WDFY3: variants seen among roughly 807,000 people sequenced by gnomAD.
The protein encoded by WDFY3 is WD repeat and FYVE domain-containing protein 3.
Under a neutral mutation model 409.6 loss-of-function variants are expected in WDFY3, and 66 were observed. That is an observed-to-expected ratio of 0.16 (90% CI 0.13 to 0.20). The LOEUF is 0.20. Ranked by LOEUF, WDFY3 falls within the 10% of genes least tolerant of loss-of-function variation. WDFY3 has a pLI of 1.00. For synonymous variants in WDFY3, 1,521 were observed against 1,537.1 expected, an observed-to-expected ratio of 0.99 and a Z score of 0.25; for missense variants, 3,031 against 4,298.1, an observed-to-expected ratio of 0.71 and a Z score of 8.24.
intron 36 of WDFY3, among the ~76,000 whole-genome samples, chr4:84,744,654 C>T (rs1033136090): frequency 6.6e-6 from 1 of 151,184 alleles, no homozygotes; most frequent in Non-Finnish European, 1.5e-5. Context: ...GAGATCGAGG[C>T]CATCCCGGCT....
chr4:84,837,663 C>G (rs1756777475), intron 6 of WDFY3, among the ~76,000 whole-genome samples: 1 of 152,070 alleles, frequency 6.6e-6, no homozygotes, highest in Non-Finnish European at 1.5e-5. Flanking sequence ...TCAAAGATAT[C>G]CAGAGGAGAA....
chr4:84,829,054 A>G lies in WDFY3; in HGVS notation c.906T>C (p.Asp302=). ...TATATCCTTGCCATATCCGAAAATC[A>G]TCCAGAAGTGTTTGGGAAACATCGC... ...DSSDVSQTLL[D]DFRIWQGYNF... is the part of the protein sequence containing the mutation. The change falls in exon 9 of 68, where the codon GAT becomes GAC. Residue 302 remains aspartate (D), a synonymous_variant. Transcript: ENST00000295888. 1 of 1,613,718 alleles carries G rather than the reference A, an allele frequency of 6.2e-7. No individual in the cohort carries two copies. Among genetic ancestry groups the G allele is most frequent in the Non-Finnish European group, 8.5e-7 (1 of 1,179,782 alleles).
At chr4:84,691,528 T>C in intron 60 of WDFY3, 103 bp downstream of exon 60, 1 of 1,285,084 alleles carries the variant, frequency 7.8e-7, no homozygotes. Context: ...GAGGAACAGC[T>C]GACAAGCCCT....
At chr4:84,722,635 T>C (rs1220678405) in intron 46 of WDFY3, among the ~76,000 whole-genome samples, 3 of 152,328 alleles carry the variant, frequency 2.0e-5, no homozygotes, top group Non-Finnish European at 2.9e-5. Context: ...TACGATAATT[T>C]AAAATCAGTT....
chr4:84,796,664 C>T lies in WDFY3; in HGVS notation c.3024G>A (p.Leu1008=). The change falls in exon 19 of 68, where the codon CTG becomes CTA. Residue 1008 remains leucine (L), a synonymous_variant. Coordinates refer to ENST00000295888, the MANE Select transcript of WDFY3 (RefSeq NM_014991.6). ...EDNHYRISKS[L]VKSAEGSTVP... Reference sequence around the variant, plus strand: ...CAGTACTTCCTTCCGCAGATTTTACCAGGCTCTTGCTTATCCGGTAATGGT... The same window carrying T: ...CAGTACTTCCTTCCGCAGATTTTACTAGGCTCTTGCTTATCCGGTAATGGT... 1.9e-6 allele frequency: 3 copies of T among 1,614,144 alleles called. No individual in the cohort carries two copies. Among genetic ancestry groups the T allele is most frequent in the Non-Finnish European group, 2.5e-6 (3 of 1,179,998 alleles).
chr4:84,860,738 T>A, intron 3 of WDFY3, 116 bp from the exon 4 acceptor site: 1 of 924,228 alleles, frequency 1.1e-6, no homozygotes, highest in Non-Finnish European at 1.4e-6. Flanking sequence ...CTAAAATATA[T>A]CTTTCTACTT....
At chr4:84,889,695 T>C (rs1268501642) in intron 3 of WDFY3, among the ~76,000 whole-genome samples, 1 of 152,178 alleles carries the variant, frequency 6.6e-6, no homozygotes, top group Non-Finnish European at 1.5e-5. Flanking sequence ...TACCCTAAGC[T>C]ACATTTTCCT....
intron 36 of WDFY3, among the ~76,000 whole-genome samples, chr4:84,748,622 C>T (rs1250638772): frequency 6.6e-6 from 1 of 152,202 alleles, no homozygotes; most frequent in East Asian, 1.9e-4. Context: ...CACCACACTA[C>T]TTCCCTTGTA....
At chr4:84,689,015 C>T (rs892183655) in intron 61 of WDFY3, among the ~76,000 whole-genome samples, 1 of 152,190 alleles carries the variant, frequency 6.6e-6, no homozygotes, top group African/African-American at 2.4e-5. Context: ...TAGAATGGGC[C>T]ATCTGCCCTG....
At chr4:84,796,182 A>G (rs926106260) in intron 19 of WDFY3, among the ~76,000 whole-genome samples, 3 of 151,918 alleles carry the variant, frequency 2.0e-5, no homozygotes, top group Non-Finnish European at 4.4e-5. Context: ...CTCTAGCACA[A>G]AAGCAGCCAT....
At chr4:84,902,994 A>G (rs1766544765) in intron 2 of WDFY3, among the ~76,000 whole-genome samples, 2 of 152,222 alleles carry the variant, frequency 1.3e-5, no homozygotes, top group South Asian at 4.1e-4. Flanking sequence ...AAGAATGAAA[A>G]GAGTAAATTA....
intron 32 of WDFY3, among the ~76,000 whole-genome samples, chr4:84,759,691 A>C (rs1206436146): frequency 1.4e-4 from 21 of 149,488 alleles, no homozygotes; most frequent in African/African-American, 3.7e-4. Flanking sequence ...TTATCAGCTT[A>C]AGGAGATTTT....
chr4:84,695,863 C>G, intron 58 of WDFY3, 107 bp downstream of exon 58: 2 of 1,085,804 alleles, frequency 1.8e-6, no homozygotes, highest in Non-Finnish European at 2.6e-6. Context: ...ATTTATGGCT[C>G]TTTATTAAGT....
chr4:84,950,535 T>C (rs557168470), intron 1 of WDFY3, among the ~76,000 whole-genome samples: 5 of 152,216 alleles, frequency 3.3e-5, no homozygotes, highest in Non-Finnish European at 5.9e-5. Context: ...CTCACACCTG[T>C]AATCTCAGCA....
rs768354194 is a variant in WDFY3, at chr4:84,766,281, T to G, written c.4941A>C (p.Thr1647=). 1 of 1,592,736 alleles carries G rather than the reference T, an allele frequency of 6.3e-7. No homozygotes were observed. Reference sequence around the variant, plus strand: ...AATTAATGCTTGTCTTTTCTTTAGATGTATAAATTAGTTTTAGCAAGATAT... The same window carrying G: ...AATTAATGCTTGTCTTTTCTTTAGAGGTATAAATTAGTTTTAGCAAGATAT... The part of the protein sequence containing the change: ...LLDILLKLIY[T]SKEKTSINLQ... The change falls in exon 31 of 68, where the codon ACA becomes ACC. Residue 1647 remains threonine, a synonymous_variant. Coordinates refer to ENST00000295888, the MANE Select transcript of WDFY3 (RefSeq NM_014991.6).
chr4:84,681,114 T>C (rs1442266236), intron 64 of WDFY3, among the ~76,000 whole-genome samples: 1 of 152,142 alleles, frequency 6.6e-6, no homozygotes, highest in African/African-American at 2.4e-5. Flanking sequence ...CTTGTTTACA[T>C]TTCACCCCAG....
intron 2 of WDFY3, among the ~76,000 whole-genome samples, chr4:84,904,819 T>C (rs1193105271): frequency 6.6e-6 from 1 of 152,222 alleles, no homozygotes; most frequent in Non-Finnish European, 1.5e-5. Flanking sequence ...CCACTTGACG[T>C]CTCCATTTGG....
intron 57 of WDFY3, among the ~76,000 whole-genome samples, chr4:84,696,483 T>TAAAG (rs1351563373): frequency 6.6e-6 from 1 of 152,170 alleles, no homozygotes; most frequent in Admixed American, 6.5e-5. Flanking sequence ...CTATGCCTAA[T>TAAAG]ATATAAATTA....
rs536917914 is a variant in WDFY3, at chr4:84,847,811, A to G, written c.304+2091T>C. On this transcript the variant is annotated intron_variant, in intron 5 of 67. Coordinates refer to ENST00000295888, the MANE Select transcript of WDFY3 (RefSeq NM_014991.6). ...AAACCAAAAAAAAAAACAAAAAAAA[A>G]CAAAAAAAACCCCAGAAAGGTAAGA... Among the ~76,000 whole-genome samples the G allele has an allele frequency of 3.3e-5, 5 of 149,916 alleles. No individual in the cohort carries two copies. In the East Asian group the frequency reaches 9.7e-4, roughly 29 times the overall value.
Sources: allele counts gnomAD v4.1 joint callset (sites outside exome capture counted in the v4.1 genomes callset), GRCh38; gene constraint gnomAD v4.1.1; transcripts MANE v1.5; gene names NCBI Gene and HGNC (gene_info 2026-07-23, HGNC 2026-07-21).